Variants in AGTPBP1 observed in about 807,000 individuals in gnomAD.
AGTPBP1 encodes the protein ATP/GTP binding carboxypeptidase 1.
A neutral mutation model predicts 143.9 loss-of-function variants in AGTPBP1; 70 were observed. That is an observed-to-expected ratio of 0.49 (90% CI 0.40 to 0.59). The LOEUF (loss-of-function observed/expected upper bound fraction) is 0.59. Ranked by LOEUF, AGTPBP1 falls within the 20% of genes least tolerant of loss-of-function variation. The pLI, the probability that AGTPBP1 is intolerant of heterozygous loss-of-function variation, is 0.00. For missense variants in AGTPBP1, 1,229 were observed against 1,464.5 expected, an observed-to-expected ratio of 0.84 and a Z score of 2.62; for synonymous variants, 463 against 500.2, an observed-to-expected ratio of 0.93 and a Z score of 0.99.
chr9:85,736,560 T>C (rs957554713), intron 1 of AGTPBP1, among the ~76,000 whole-genome samples: 1 of 152,142 alleles, frequency 6.6e-6, no homozygotes, highest in African/African-American at 2.4e-5. Context: ...ACCTTTACCT[T>C]TACCCAAAGC....
intron 17 of AGTPBP1, among the ~76,000 whole-genome samples, chr9:85,610,866 T>A (rs1830271777): frequency 6.6e-6 from 1 of 152,218 alleles, no homozygotes; most frequent in Admixed American, 6.5e-5. Flanking sequence ...TTCTTTTAAT[T>A]CTGTTAATGT....
chr9:85,547,421 A>T, intron 25 of AGTPBP1, 135 bp from the exon 26 acceptor site: 1 of 717,598 alleles, frequency 1.4e-6, no homozygotes, highest in Non-Finnish European at 2.0e-6. Flanking sequence ...TCTTATCCAA[A>T]TGAACAAGTT....
At chr9:85,786,694 G>T in the AGTPBP1 span, 1 of 1,229,364 alleles carries the variant, frequency 8.1e-7, no homozygotes, top group Non-Finnish European at 1.1e-6. Flanking sequence ...AAGAAGGGGA[G>T]GAAGGAATCC....
At chr9:85,760,136 C>T in the AGTPBP1 span, among the ~76,000 whole-genome samples, 1 of 152,064 alleles carries the variant, frequency 6.6e-6, no homozygotes, top group Non-Finnish European at 1.5e-5. Context: ...AGTAGCTTAC[C>T]AACCGAAAAA....
intron 25 of AGTPBP1, among the ~76,000 whole-genome samples, chr9:85,575,002 C>T (rs2133050970): frequency 6.6e-6 from 1 of 152,348 alleles, no homozygotes; most frequent in African/African-American, 2.4e-5. Flanking sequence ...AGCCACTGCA[C>T]TCAGCTGTCT....
At chr9:85,713,772 G>C (rs1302063215) in intron 1 of AGTPBP1, among the ~76,000 whole-genome samples, 1 of 152,062 alleles carries the variant, frequency 6.6e-6, no homozygotes, top group East Asian at 1.9e-4. Context: ...CTAAGAAAAG[G>C]AAATATTTAG....
chr9:85,764,866 G>C, the AGTPBP1 span: 4 of 1,267,282 alleles, frequency 3.2e-6, no homozygotes, highest in Non-Finnish European at 4.6e-6. Flanking sequence ...ATCAGCTCCA[G>C]AAACGAAGAC....
chr9:85,636,259 C>CTTTTT (rs35445993), intron 13 of AGTPBP1, among the ~76,000 whole-genome samples: 11 of 118,544 alleles, frequency 9.3e-5, no homozygotes, highest in Non-Finnish European at 1.6e-4. Context: ...TGTAAGGTTT[C>CTTTTT]TTTTTTTTTT....
intron 19 of AGTPBP1, among the ~76,000 whole-genome samples, chr9:85,590,904 A>C (rs1469202): frequency 0.27 from 40,575 of 152,046 alleles, 7,737 homozygotes; most frequent in East Asian, 0.53. Context: ...AGGTCTTTCC[A>C]AAAGCATAGT....
intron 25 of AGTPBP1, among the ~76,000 whole-genome samples, chr9:85,563,785 C>T (rs1175738680): frequency 6.6e-6 from 1 of 152,180 alleles, no homozygotes; most frequent in Admixed American, 6.5e-5. Flanking sequence ...CAGAGATCAT[C>T]AGAGTGGTTT....
chr9:85,585,427 A>C, intron 23 of AGTPBP1, 36 bp downstream of exon 23: 1 of 1,511,616 alleles, frequency 6.6e-7, no homozygotes. Context: ...TGCATGTTTG[A>C]AATTCAAAAA....
intron 4 of AGTPBP1, among the ~76,000 whole-genome samples, chr9:85,680,657 G>C (rs551836813): frequency 6.6e-6 from 1 of 151,942 alleles, no homozygotes; most frequent in African/African-American, 2.4e-5. Context: ...TAAAGTAACA[G>C]AGCAATCTAG....
intron 19 of AGTPBP1, among the ~76,000 whole-genome samples, chr9:85,590,472 T>C (rs1005755074): frequency 6.6e-6 from 1 of 152,278 alleles, no homozygotes; most frequent in South Asian, 2.1e-4. Flanking sequence ...AAAAATAAAT[T>C]GTTCAATCCC....
chr9:85,769,287 C>T, the AGTPBP1 span, among the ~76,000 whole-genome samples: 38 of 152,108 alleles, frequency 2.5e-4, no homozygotes, highest in Admixed American at 3.3e-4. Context: ...GTGGCCTCCA[C>T]GATAGGTATG....
rs3185651 is a variant in AGTPBP1 at position 85,546,612 on chromosome 9, G to C, written c.*497C>G. On this transcript the variant is annotated 3_prime_UTR_variant, in exon 26 of 26. Transcript: ENST00000357081. ...TGTAATGGTTTCAAGGCAAACCCTG[G>C]ACTACTTCAGTCACAACCCAATAGT... is the stretch of plus-strand genomic sequence containing the variant. The C allele has an allele frequency of 0.026, 3,961 of 152,326 alleles. 62 individuals carry two copies. Among genetic ancestry groups the C allele is most frequent in the Middle Eastern group, 0.11 (31 of 294 alleles). 9.4% of individuals were successfully genotyped at this position (152,326 alleles called of 1,614,324 possible). A position where few individuals can be genotyped will look rare whatever the true frequency, so the allele number is the denominator to read the frequency against.
rs778814692 is a variant in AGTPBP1, at chr9:85,657,496, T to A, written c.848A>T (p.Lys283Met). Residue 283 changes from lysine (K) to methionine (M), a missense_variant, in exon 10 of 26, where the codon AAG (lysine) becomes ATG (methionine). Physicochemically the swap from Lys to Met is moderately conservative, Grantham distance 95 (BLOSUM62 -1). Transcript: ENST00000357081. ...ATCAATAAATGCTTTTCTTCCCAAC[T>A]TGATGTTTGTAACACTTTTTAAACT... ...LQSLKSVTNI[K>M]LGRKAFIDAN... 2 of 1,613,916 alleles carry A rather than the reference T, an allele frequency of 1.2e-6. No individual in the cohort carries two copies. The highest frequency in any genetic ancestry group is 1.7e-6 in the Non-Finnish European group (2 of 1,179,916).
the AGTPBP1 span, among the ~76,000 whole-genome samples, chr9:85,759,534 C>A: frequency 2.0e-5 from 3 of 151,728 alleles, no homozygotes; most frequent in Admixed American, 6.6e-5. Context: ...GGGTACATAA[C>A]GAAATGAAGG....
At chr9:85,683,708 CTGAAT>C (rs1227432527) in intron 3 of AGTPBP1, among the ~76,000 whole-genome samples, 1 of 152,184 alleles carries the variant, frequency 6.6e-6, no homozygotes, top group African/African-American at 2.4e-5. Flanking sequence ...CATCAACCCT[CTGAAT>C]GGCCATTCTC....
chr9:85,685,147 T>A (rs1179589101), intron 3 of AGTPBP1, among the ~76,000 whole-genome samples: 3 of 151,714 alleles, frequency 2.0e-5, no homozygotes, highest in African/African-American at 7.3e-5. Context: ...ATCAAAAATC[T>A]AATACATGTA....
Sources: allele counts gnomAD v4.1 joint callset (sites outside exome capture counted in the v4.1 genomes callset), GRCh38; gene constraint gnomAD v4.1.1; transcripts MANE v1.5; gene names NCBI Gene and HGNC (gene_info 2026-07-23, HGNC 2026-07-21).